The following NID2 variants were observed in gnomAD, a reference collection of about 807,000 sequenced individuals.
NID2 encodes the protein nidogen 2, also known as nidogen-2.
Under a neutral mutation model 145.4 loss-of-function variants are expected in NID2, and 83 were observed. The ratio of observed to expected loss-of-function variants is 0.57; its 90% confidence interval spans 0.48 to 0.69. The LOEUF is 0.69. NID2 is among the 30% of genes least tolerant of loss of function. The pLI, the probability that NID2 is intolerant of heterozygous loss-of-function variation, is 0.00. For synonymous variants in NID2, 739 were observed against 701.3 expected, an observed-to-expected ratio of 1.05 and a Z score of -0.85; for missense variants, 1,807 against 1,765.7, an observed-to-expected ratio of 1.02 and a Z score of -0.42.
At chr14:52,033,656 A>G (rs1891955956) in intron 9 of NID2, among the ~76,000 whole-genome samples, 1 of 152,196 alleles carries the variant, frequency 6.6e-6, no homozygotes, top group South Asian at 2.1e-4. Flanking sequence ...GTTCTTAGGA[A>G]GATACTGCTG....
intron 3 of NID2, among the ~76,000 whole-genome samples, 185 bp from the exon 4 acceptor site, chr14:52,054,506 A>C (rs559325361): frequency 1.3e-5 from 2 of 152,328 alleles, no homozygotes; most frequent in Admixed American, 1.3e-4. Flanking sequence ...GTTTGAGACC[A>C]GTCTAGGCAA....
chr14:52,048,239 A>G (rs1023526565), intron 5 of NID2, among the ~76,000 whole-genome samples: 1 of 152,210 alleles, frequency 6.6e-6, no homozygotes, highest in African/African-American at 2.4e-5. Flanking sequence ...CCACAAGAAT[A>G]CAACGTGAAG....
intron 2 of NID2, among the ~76,000 whole-genome samples, chr14:52,063,830 C>A (rs932002030): frequency 6.6e-6 from 1 of 152,166 alleles, no homozygotes; most frequent in Non-Finnish European, 1.5e-5. Context: ...ACATGGGGGA[C>A]TGTCCCTCAT....
At chr14:52,064,041 C>T (rs1456539301) in intron 2 of NID2, among the ~76,000 whole-genome samples, 1 of 152,210 alleles carries the variant, frequency 6.6e-6, no homozygotes, top group Middle Eastern at 3.2e-3. Flanking sequence ...ATCTCAGACT[C>T]AGTCTGAACT....
At chr14:52,063,854 C>G (rs1169810244) in intron 2 of NID2, among the ~76,000 whole-genome samples, 2 of 152,194 alleles carry the variant, frequency 1.3e-5, no homozygotes, top group African/African-American at 4.8e-5. Context: ...TTTTACTGCA[C>G]TAAATCCTAC....
At chr14:52,042,007 A>T (rs763346613) in intron 7 of NID2, 98 bp downstream of exon 7, 4 of 1,427,128 alleles carry the variant, frequency 2.8e-6, no homozygotes, top group Non-Finnish European at 3.8e-6. Flanking sequence ...TAAACAAGTG[A>T]TTCCTCTGTC....
intron 9 of NID2, among the ~76,000 whole-genome samples, chr14:52,034,574 G>A (rs1011558235): frequency 1.3e-5 from 2 of 152,028 alleles, no homozygotes; most frequent in African/African-American, 4.8e-5. Context: ...AAGCACCTCG[G>A]GATTCTCATT....
intron 7 of NID2, among the ~76,000 whole-genome samples, chr14:52,041,688 T>C (rs908660954): frequency 6.6e-6 from 1 of 152,136 alleles, no homozygotes; most frequent in African/African-American, 2.4e-5. Flanking sequence ...CACCGGCCTA[T>C]ACTATTATAG....
chr14:52,020,576 A>G (rs891600420), intron 12 of NID2, among the ~76,000 whole-genome samples: 8 of 152,180 alleles, frequency 5.3e-5, no homozygotes, highest in Admixed American at 4.6e-4. Context: ...ATATCCAACA[A>G]TGGTTTTTTT....
Position 52,054,067 on chromosome 14 carries a change from C to T in NID2, c.1022G>A (p.Ser341Asn). ...EPEEALNGHSSIDVSFQSKVD... is the reference protein window; with the variant it reads ...EPEEALNGHSNIDVSFQSKVD... ...TTTGGATTGGAAGGAAACATCAATGCTGCTGTGGCCATTCAATGCCTCCTC... is the reference window on the plus strand; with the variant it reads ...TTTGGATTGGAAGGAAACATCAATGTTGCTGTGGCCATTCAATGCCTCCTC... Residue 341 changes from serine to asparagine, a missense_variant, in exon 4 of 22, where the codon AGC becomes AAC. Physicochemically the swap from Ser to Asn is conservative, Grantham distance 46. Coordinates refer to ENST00000216286, the MANE Select transcript of NID2 (RefSeq NM_007361.4). The T allele has an allele frequency of 1.2e-6, 2 of 1,614,198 alleles. No homozygotes were observed. Among genetic ancestry groups the T allele is most frequent in the Non-Finnish European group, 1.7e-6 (2 of 1,180,034 alleles).
In NID2 at chr14:52,038,867, G is replaced by C. The variant is rs1224848405; in HGVS notation, c.2137C>G (p.Pro713Ala). The C allele has an allele frequency of 6.2e-7, 1 of 1,614,158 alleles. No individual in the cohort carries two copies. The highest frequency in any genetic ancestry group is 1.6e-4 in the Middle Eastern group (1 of 6,062). The change falls in exon 9 of 22, where the codon CCC becomes GCC. Residue 713 changes from proline to alanine, a missense_variant. Physicochemically the swap from Pro to Ala is conservative, Grantham distance 27 (BLOSUM62 -1). Transcript: ENST00000216286. ...NITYQVCRHA[P>A]RHPSFPTTQQ... is the part of the protein sequence containing the mutation. Reference sequence around the variant, plus strand: ...GTGGTGGGGAAGGACGGGTGTCTGGGGGCGTGCCTGCACACCTGGTAAGTG... The same window carrying C: ...GTGGTGGGGAAGGACGGGTGTCTGGCGGCGTGCCTGCACACCTGGTAAGTG...
chr14:52,011,418 T>A, intron 17 of NID2, 136 bp downstream of exon 17: 2 of 1,057,482 alleles, frequency 1.9e-6, no homozygotes, highest in East Asian at 4.9e-5. Context: ...GCTAGTCTTA[T>A]ACAGCTCAAT....
chr14:52,030,489 G>GAAAAGAAAGAAAA (rs146955036), intron 9 of NID2, among the ~76,000 whole-genome samples: 1 of 49,326 alleles, frequency 2.0e-5, no homozygotes, highest in Non-Finnish European at 4.8e-5. Context: ...AGAAAAGAAA[G>GAAAAGAAAGAAAA]AAAGAAAGAA....
intron 9 of NID2, among the ~76,000 whole-genome samples, chr14:52,030,832 C>T (rs1891837037): frequency 6.6e-6 from 1 of 152,100 alleles, no homozygotes; most frequent in South Asian, 2.1e-4. Flanking sequence ...GCCTAGGTGA[C>T]AGAACAGGAC....
Position 52,013,110 on chromosome 14 carries a change from G to A in NID2, c.3420+1177C>T, listed in dbSNP as rs151097007. ...GCTTCCATTAACCCGGGAATCATGG[G>A]ATTCATAAACCCATGTCATAACCTC... On this transcript the variant is annotated intron_variant, in intron 16 of 21. Transcript: ENST00000216286. Among the ~76,000 whole-genome samples the A allele has an allele frequency of 6.2e-3, 939 of 152,294 alleles. 4 individuals carry two copies. Among genetic ancestry groups the A allele is most frequent in the South Asian group, 0.017 (81 of 4,824 alleles).
intron 7 of NID2, 90 bp from the exon 8 acceptor site, chr14:52,040,941 C>T (rs1040196413): frequency 5.4e-5 from 60 of 1,120,420 alleles, no homozygotes; most frequent in South Asian, 2.7e-4. Flanking sequence ...ATTTCTACTG[C>T]TGTTGGAGAT....
At chr14:52,027,667 C>CAT (rs1555363350) in intron 11 of NID2, among the ~76,000 whole-genome samples, 7 of 149,838 alleles carry the variant, frequency 4.7e-5, no homozygotes, top group African/African-American at 1.5e-4. Flanking sequence ...CACACACACA[C>CAT]GCAGTTTCTC....
chr14:52,049,263 G>C (rs1241118209), intron 5 of NID2, among the ~76,000 whole-genome samples: 1 of 151,936 alleles, frequency 6.6e-6, no homozygotes, highest in Non-Finnish European at 1.5e-5. Flanking sequence ...GATATCAGAG[G>C]AAAGAAAGAA....
intron 3 of NID2, among the ~76,000 whole-genome samples, chr14:52,057,529 C>A (rs987325595): frequency 1.1e-4 from 16 of 151,414 alleles, no homozygotes; most frequent in African/African-American, 3.4e-4. Context: ...ATGATGAAAC[C>A]CAGTCTCTAC....
Sources: allele counts gnomAD v4.1 joint callset (sites outside exome capture counted in the v4.1 genomes callset), GRCh38; gene constraint gnomAD v4.1.1; transcripts MANE v1.5; gene names NCBI Gene and HGNC (gene_info 2026-07-23, HGNC 2026-07-21).